SOX6: variants seen among roughly 807,000 people sequenced by gnomAD.
SOX6 encodes the protein transcription factor SOX-6.
A neutral mutation model predicts 97.8 loss-of-function variants in SOX6; 11 were observed. The ratio of observed to expected loss-of-function variants is 0.11; its 90% CI spans 0.07 to 0.19. SOX6 has a LOEUF of 0.19. Among genes scored for constraint, SOX6 ranks in the 10% least tolerant of loss-of-function variants. The pLI is 1.00. For missense variants in SOX6, 810 were observed against 1,039.5 expected, an observed-to-expected ratio of 0.78 and a Z score of 3.04; for synonymous variants, 360 against 371.4, an observed-to-expected ratio of 0.97 and a Z score of 0.35.
At chr11:16,110,635 C>T (rs1000853944) in intron 7 of SOX6, among the ~76,000 whole-genome samples, 41 of 152,144 alleles carry the variant, frequency 2.7e-4, no homozygotes, top group African/African-American at 9.6e-4. Context: ...AATCTCATAA[C>T]ATCTCAATTC....
intron 1 of SOX6, among the ~76,000 whole-genome samples, chr11:16,342,449 C>A (rs953030588): frequency 6.6e-6 from 1 of 151,854 alleles, no homozygotes; most frequent in Non-Finnish European, 1.5e-5. Flanking sequence ...ATGCACAAAT[C>A]AGTTAACATA....
At chr11:16,588,656 C>T (rs761911617) in intron 4 of SOX6, among the ~76,000 whole-genome samples, 7 of 152,142 alleles carry the variant, frequency 4.6e-5, no homozygotes, top group Non-Finnish European at 8.8e-5. Flanking sequence ...CTGACCCCCT[C>T]ACACCAACAA....
intron 3 of SOX6, among the ~76,000 whole-genome samples, chr11:16,671,239 G>A (rs1217589224): frequency 6.6e-6 from 1 of 152,212 alleles, no homozygotes; most frequent in East Asian, 1.9e-4. Flanking sequence ...TGGCAAGAGT[G>A]TCATATGACC....
chr11:16,478,139 T>C (rs190318167), upstream of SOX6, among the ~76,000 whole-genome samples: 47 of 152,302 alleles, frequency 3.1e-4, 1 homozygote, highest in Admixed American at 2.8e-3. Flanking sequence ...ACAAAATAAA[T>C]TTTATAGCAA....
chr11:16,172,006 A>G (rs1025614565), intron 6 of SOX6, among the ~76,000 whole-genome samples: 3 of 151,784 alleles, frequency 2.0e-5, no homozygotes, highest in Non-Finnish European at 4.4e-5. Context: ...CAGGAGACCC[A>G]GTTCTAGAAA....
chr11:16,150,375 G>T (rs1037555715), intron 6 of SOX6, among the ~76,000 whole-genome samples: 4 of 152,158 alleles, frequency 2.6e-5, no homozygotes, highest in African/African-American at 9.7e-5. Context: ...GAGCCCACAT[G>T]AGACTACTTC....
rs189222008 is a variant in SOX6 at position 16,590,814 on chromosome 11, T to A, written n.609+21267A>T. Among the ~76,000 whole-genome samples, 9 of 151,976 alleles carry A rather than the reference T, an allele frequency of 5.9e-5. No homozygotes were observed. In the East Asian group the frequency reaches 9.7e-4, roughly 16 times the overall value. ...GGTTACCAGAGGCTGGGAAGGGTAG[T>A]CAGGGAGGTGGGCAAGTGGATATGC... On this transcript the variant is annotated intron_variant and non_coding_transcript_variant, in intron 4 of 5. Transcript: ENST00000524520.
intron 1 of SOX6, among the ~76,000 whole-genome samples, chr11:16,458,720 G>T (rs1481744529): frequency 6.6e-6 from 1 of 152,012 alleles, no homozygotes; most frequent in East Asian, 1.9e-4. Flanking sequence ...TATCCTGCTG[G>T]CTTAGACTAC....
intron 1 of SOX6, among the ~76,000 whole-genome samples, chr11:16,466,964 G>GA (rs1860050356): frequency 7.1e-6 from 1 of 140,526 alleles, no homozygotes; most frequent in Non-Finnish European, 1.5e-5. Context: ...ACAACTCCAT[G>GA]AAAAAGTGGG....
chr11:15,976,912 G>C (rs969777339), intron 15 of SOX6, among the ~76,000 whole-genome samples: 2 of 151,896 alleles, frequency 1.3e-5, no homozygotes, highest in African/African-American at 4.8e-5. Context: ...TCTAGGCCAC[G>C]AGTCTCCCTA....
At chr11:16,096,347 T>C (rs1208083699) in intron 8 of SOX6, among the ~76,000 whole-genome samples, 1 of 151,830 alleles carries the variant, frequency 6.6e-6, no homozygotes, top group Non-Finnish European at 1.5e-5. Flanking sequence ...ATAGCACAGC[T>C]ATAGGAAGAG....
intron 11 of SOX6, among the ~76,000 whole-genome samples, chr11:16,047,701 C>CGT (rs68008241): frequency 0.14 from 20,680 of 145,852 alleles, 1,461 homozygotes; most frequent in East Asian, 0.31. Flanking sequence ...CATTTCATAG[C>CGT]GTGTGTGTGT....
chr11:16,705,341 T>C (rs1473077614), intron 3 of SOX6, among the ~76,000 whole-genome samples: 1 of 151,986 alleles, frequency 6.6e-6, no homozygotes, highest in African/African-American at 2.4e-5. Context: ...ATTAGGCATT[T>C]AGACCAGGTG....
intron 1 of SOX6, among the ~76,000 whole-genome samples, chr11:16,474,904 G>C (rs1049258770): frequency 3.3e-5 from 5 of 152,192 alleles, no homozygotes; most frequent in Non-Finnish European, 5.9e-5. Flanking sequence ...TCTGTGGTTT[G>C]ATGTAGTCAC....
intron 3 of SOX6, among the ~76,000 whole-genome samples, chr11:16,294,257 A>G (rs1441250322): frequency 6.6e-6 from 1 of 152,054 alleles, no homozygotes; most frequent in Non-Finnish European, 1.5e-5. Flanking sequence ...ATCATCATTA[A>G]TGTAATAAAC....
chr11:16,499,793 G>C (rs1860670135), intron 4 of SOX6, among the ~76,000 whole-genome samples: 1 of 152,112 alleles, frequency 6.6e-6, no homozygotes, highest in Admixed American at 6.5e-5. Flanking sequence ...ACCAATAACA[G>C]GCTCTGAAAT....
At chr11:16,646,687 G>C (rs1453216173) in intron 3 of SOX6, among the ~76,000 whole-genome samples, 5 of 151,996 alleles carry the variant, frequency 3.3e-5, no homozygotes, top group African/African-American at 1.2e-4. Flanking sequence ...CATCCTCATA[G>C]CTTAGCTCCC....
chr11:16,709,460 G>C (rs371727111), intron 3 of SOX6, among the ~76,000 whole-genome samples: 61 of 152,182 alleles, frequency 4.0e-4, no homozygotes, highest in African/African-American at 1.4e-3. Context: ...GGAGGTTGCA[G>C]TGAGTTGAGA....
intron 4 of SOX6, among the ~76,000 whole-genome samples, chr11:16,592,188 G>A (rs1259234352): frequency 6.6e-6 from 1 of 151,376 alleles, no homozygotes; most frequent in Non-Finnish European, 1.5e-5. Context: ...TCCAAAATGT[G>A]GCAACCACTA....
Sources: allele counts gnomAD v4.1 joint callset (sites outside exome capture counted in the v4.1 genomes callset), GRCh38; gene constraint gnomAD v4.1.1; transcripts MANE v1.5; gene names NCBI Gene and HGNC (gene_info 2026-07-23, HGNC 2026-07-21).